Variants in PPP4R3A observed in about 807,000 individuals in gnomAD.
The protein encoded by PPP4R3A is protein phosphatase 4 regulatory subunit 3A.
PPP4R3A carries 15 observed loss-of-function variants against 91.7 expected under a neutral mutation model. That is an observed-to-expected ratio of 0.16 (90% CI 0.11 to 0.25). The LOEUF is 0.25. Ranked by LOEUF, PPP4R3A falls within the 10% of genes least tolerant of loss-of-function variation. The pLI is 1.00. For missense variants in PPP4R3A, 623 were observed against 998.4 expected (o/e 0.62, Z 5.07); for synonymous variants, 377 against 348.7 (o/e 1.08, Z -0.91).
At chr14:91,484,356 G>C (rs1417974807) in intron 3 of PPP4R3A, among the ~76,000 whole-genome samples, 3 of 152,180 alleles carry the variant, frequency 2.0e-5, no homozygotes, top group Non-Finnish European at 4.4e-5. Flanking sequence ...GGGTGCATCA[G>C]AATCACCAAA....
In PPP4R3A at chr14:91,473,100, G is replaced by A. The variant is rs367851624; in HGVS notation, c.1434C>T (p.Tyr478=). 14 of 1,614,070 alleles carry A rather than the reference G, an allele frequency of 8.7e-6. No homozygotes were observed. The highest frequency in any genetic ancestry group is 1.2e-5 in the Non-Finnish European group (14 of 1,180,044). Residue 478 remains tyrosine (Y), a synonymous_variant, in exon 9 of 15, where the codon TAC becomes TAT. Coordinates refer to ENST00000554943, the MANE Select transcript of PPP4R3A (RefSeq NM_001366432.2). ...TEKTEFLGFF[Y]KHCMHVLTAP... is the part of the protein sequence containing the mutation. ...CAGTGAGAACATGCATACAGTGCTT[G>A]TAGAAGAAACCCAGAAATTCAGTCT...
intron 1 of PPP4R3A, among the ~76,000 whole-genome samples, chr14:91,492,751 C>T (rs1890302789): frequency 6.6e-6 from 1 of 152,236 alleles, no homozygotes; most frequent in Admixed American, 6.5e-5. Flanking sequence ...GCTTAGGACG[C>T]TCAGATAAGC....
intron 2 of PPP4R3A, among the ~76,000 whole-genome samples, chr14:91,487,857 C>G (rs530352221): frequency 3.2e-4 from 49 of 152,302 alleles, no homozygotes; most frequent in African/African-American, 1.2e-3. Flanking sequence ...GCTGGAACTA[C>G]AGGCATGTGC....
rs1404757916 is a variant in PPP4R3A, at chr14:91,458,648, C to T, written c.*111G>A. 1.4e-6 allele frequency: 2 copies of T among 1,479,858 alleles called. No homozygotes were observed. The highest frequency in any genetic ancestry group is 1.9e-6 in the Non-Finnish European group (2 of 1,059,254). The allele number at this position is 1,479,858 out of a possible 1,614,324, so 91.7% of individuals were successfully genotyped here. ...CAGAAGTCAAGTGTAAGAGGCTGAT[C>T]TGTGTCAGTCATTCACAAGAGACCA... On this transcript the variant is annotated 3_prime_UTR_variant, in exon 15 of 15. Coordinates refer to ENST00000554943, the MANE Select transcript of PPP4R3A (RefSeq NM_001366432.2).
In PPP4R3A at chr14:91,502,017, C is replaced by T. The variant is rs145782409; in HGVS notation, c.142+7489G>A. Among the ~76,000 whole-genome samples, 851 of 151,926 alleles carry T rather than the reference C, an allele frequency of 5.6e-3. 5 individuals are homozygous for T. The highest frequency in any genetic ancestry group is 0.02 in the African/African-American group (809 of 41,396). On this transcript the variant is annotated intron_variant, in intron 1 of 14. Coordinates refer to ENST00000554943, the MANE Select transcript of PPP4R3A (RefSeq NM_001366432.2). ...GACTACAGGCGTGAGCCACCGCACC[C>T]GGCCAAGACTAAAGTATGCTTTAAA...
Position 91,472,458 on chromosome 14 carries a change from GTT to G in PPP4R3A, c.1501+573_1501+574del, listed in dbSNP as rs76707705. Reference sequence around the variant, plus strand: ...TGATTACAGTACTTTCAGGAAAATTGTTTTTTTTTTTTTTTTTTTGAGTTGAA... The same window carrying G: ...TGATTACAGTACTTTCAGGAAAATTGTTTTTTTTTTTTTTTTTGAGTTGAA... On this transcript the variant is annotated intron_variant, in intron 9 of 14. Transcript: ENST00000554943. 1.8e-3 allele frequency among the ~76,000 whole-genome samples: 244 copies of G among 133,146 alleles called. 1 individual carries two copies. Among genetic ancestry groups the G allele is most frequent in the African/African-American group, 6.2e-3 (218 of 35,370 alleles). 87.3% of individuals were successfully genotyped at this position (133,146 alleles called of 152,430 possible). A position where few individuals can be genotyped will look rare whatever the true frequency, so the allele number is the denominator to read the frequency against.
At position 91,490,766 on chromosome 14, in the gene PPP4R3A, G is replaced by C; in HGVS notation, c.179C>G (p.Thr60Ser). 2 of 1,609,614 alleles carry C rather than the reference G, an allele frequency of 1.2e-6. No individual in the cohort carries two copies. Among genetic ancestry groups the C allele is most frequent in the Non-Finnish European group, 1.7e-6 (2 of 1,178,538 alleles). ...TTTTACCTGTTGTTTCTGGTATGCA[G>C]TGTTAGGATTTATTTTCGACTCTAA... ...LLLESKINPN[T>S]AYQKQQDTLI... is the part of the protein sequence containing the mutation. Residue 60 changes from threonine (T) to serine (S), a missense_variant, in exon 2 of 15, where the codon ACT becomes AGT. Physicochemically the swap from Thr to Ser is moderately conservative, Grantham distance 58. Around this residue, in one of 5 missense-constraint regions of PPP4R3A, gnomAD observed 51 missense variants for 81.8 expected, o/e 0.62. Coordinates refer to ENST00000554943, the MANE Select transcript of PPP4R3A (RefSeq NM_001366432.2).
rs1889251480 is a variant in PPP4R3A, at chr14:91,476,981, A to T, written c.921T>A (p.Asp307Glu). 1.3e-6 allele frequency: 2 copies of T among 1,598,536 alleles called. No individual in the cohort carries two copies. The highest frequency in any genetic ancestry group is 4.5e-5 in the East Asian group (2 of 44,562). ...CAAACAAATCTGTCAGAAATTTTTC[A>T]TCTTCCTGTGAAACAAAGGACAAAT... ...KVEIVGMLQE[D>E]EKFLTDLFAQ... The change falls in exon 5 of 15, where the codon GAT becomes GAA. Residue 307 changes from aspartate to glutamate, a missense_variant. This residue lies in a region of PPP4R3A where 264 missense variants were observed against 377.3 expected (regional missense o/e 0.70). Transcript: ENST00000554943.
chr14:91,471,008 A>G lies in PPP4R3A; in HGVS notation c.1502-13T>C. 1 of 1,570,760 alleles carries G rather than the reference A, an allele frequency of 6.4e-7. No individual in the cohort carries two copies. Among genetic ancestry groups the G allele is most frequent in the Non-Finnish European group, 8.6e-7 (1 of 1,166,336 alleles). ...GTCTGAAAATCATCTAAAAGAAACA[A>G]AACACAACTAATTATATTTAATGAC... is the stretch of plus-strand genomic sequence containing the variant. On this transcript the variant is annotated splice_polypyrimidine_tract_variant and intron_variant, in intron 9 of 14. Transcript: ENST00000554943.
chr14:91,497,877 T>C (rs1292924291), intron 1 of PPP4R3A, among the ~76,000 whole-genome samples: 2 of 152,184 alleles, frequency 1.3e-5, no homozygotes, highest in East Asian at 1.9e-4. Context: ...CTGAGGACAC[T>C]ATGGGGCCTG....
chr14:91,480,351 A>G (rs1281637878), intron 4 of PPP4R3A, among the ~76,000 whole-genome samples: 1 of 152,160 alleles, frequency 6.6e-6, no homozygotes, highest in Non-Finnish European at 1.5e-5. Context: ...CCCAACTCAC[A>G]TAGCTACTGT....
intron 2 of PPP4R3A, among the ~76,000 whole-genome samples, chr14:91,490,439 T>C (rs1890169822): frequency 6.6e-6 from 1 of 152,192 alleles, no homozygotes; most frequent in Admixed American, 6.5e-5. Context: ...ATTTTCACCA[T>C]TTAACTGTGT....
chr14:91,503,113 G>A (rs946216958), intron 1 of PPP4R3A, among the ~76,000 whole-genome samples: 8 of 152,170 alleles, frequency 5.3e-5, no homozygotes, highest in African/African-American at 1.9e-4. Flanking sequence ...TCAGCCTCCT[G>A]AGTAGCTAAG....
At position 91,461,431 on chromosome 14, in the gene PPP4R3A, G is replaced by A; in HGVS notation, c.2341C>T (p.Pro781Ser). 3 of 1,614,042 alleles carry A rather than the reference G, an allele frequency of 1.9e-6. No homozygotes were observed. The highest frequency in any genetic ancestry group is 1.7e-6 in the Non-Finnish European group (2 of 1,179,924). Residue 781 changes from proline to serine, a missense_variant, in exon 14 of 15, where the codon CCT (proline) becomes TCT (serine). By Grantham distance (74) the Pro-to-Ser change is moderately conservative (BLOSUM62 -1). Around this residue, in one of 5 missense-constraint regions of PPP4R3A, gnomAD observed 201 missense variants for 229.9 expected, o/e 0.87. Transcript: ENST00000554943. ...SPGSPGSPGS[P>S]GSVPKNTSQT... is the part of the protein sequence containing the mutation. ...GATGTATTTTTAGGTACGGATCCAG[G>A]AGAGCCTGGAGATCCTGGGGATCCA...
chr14:91,486,636 T>C (rs571988435), intron 2 of PPP4R3A, among the ~76,000 whole-genome samples: 22 of 152,264 alleles, frequency 1.4e-4, no homozygotes, highest in Admixed American at 9.8e-4. Flanking sequence ...ATAAAAATAT[T>C]TGGCTGGGCG....
intron 1 of PPP4R3A, among the ~76,000 whole-genome samples, chr14:91,508,983 G>T (rs1207684383): frequency 6.6e-6 from 1 of 152,174 alleles, no homozygotes; most frequent in Non-Finnish European, 1.5e-5. Flanking sequence ...CAGATACAGT[G>T]TTGCCAAGCT....
At chr14:91,476,807 C>T in intron 5 of PPP4R3A, 102 bp downstream of exon 5, 1 of 947,960 alleles carries the variant, frequency 1.1e-6, no homozygotes, top group Admixed American at 2.7e-5. Flanking sequence ...CCTCGTGATC[C>T]ACCCACCTCG....
In PPP4R3A at chr14:91,509,779, G is replaced by A; in HGVS notation, c.-132C>T. The stretch of plus-strand genomic sequence containing the variant: ...CCCGGCCTCACTGCCGCCGCTGGGC[G>A]CCGCGGGGCCGCGCCGCCGCCTGCA... On this transcript the variant is annotated 5_prime_UTR_variant, in exon 1 of 15. Coordinates refer to ENST00000554943, the MANE Select transcript of PPP4R3A (RefSeq NM_001366432.2). 7.9e-7 allele frequency: 1 copy of A among 1,261,912 alleles called. No homozygotes were observed. The highest frequency in any genetic ancestry group is 2.7e-5 in the South Asian group (1 of 37,226). The allele number at this position is 1,261,912 out of a possible 1,614,324, so 78.2% of individuals were successfully genotyped here.
At chr14:91,462,285 A>G (rs373856424) in intron 12 of PPP4R3A, 46 bp from the exon 13 acceptor site, 2 of 1,463,722 alleles carry the variant, frequency 1.4e-6, no homozygotes. Flanking sequence ...TATGGACTTA[A>G]TTGTACTGTT....
Sources: gnomAD v4.1 joint callset for allele counts (sites outside exome capture counted in the v4.1 genomes callset) on GRCh38, gnomAD v4.1.1 for gene constraint, gnomAD v4.1.1 regional missense constraint, MANE v1.5 for transcripts, NCBI Gene and HGNC (gene_info 2026-07-23, HGNC 2026-07-21) for gene names.